PRKAR1B: variants seen among roughly 807,000 people sequenced by gnomAD.
The protein encoded by PRKAR1B is cAMP-dependent protein kinase type I-beta regulatory subunit.
A neutral mutation model predicts 46.5 loss-of-function variants in PRKAR1B; 22 were observed. The observed-to-expected ratio is 0.47, with a 90% CI of 0.34 to 0.68. The LOEUF is 0.68. Among genes scored for constraint, PRKAR1B ranks in the 30% least tolerant of loss-of-function variants. The pLI, the probability that PRKAR1B is intolerant of heterozygous loss-of-function variation, is 0.01. For synonymous variants in PRKAR1B, 259 were observed against 217.7 expected, an observed-to-expected ratio of 1.19 and a Z score of -1.67; for missense variants, 445 against 535.6, an observed-to-expected ratio of 0.83 and a Z score of 1.67.
At chr7:647,791 C>T (rs949867482) in intron 4 of PRKAR1B, among the ~76,000 whole-genome samples, 3 of 115,780 alleles carry the variant, frequency 2.6e-5, no homozygotes, top group Non-Finnish European at 5.0e-5. Flanking sequence ...TGGGCAACAA[C>T]GAGACTTCGT....
intron 8 of PRKAR1B, among the ~76,000 whole-genome samples, chr7:583,560 GCACACCCATGCA>G (rs1354258147): frequency 1.3e-4 from 7 of 53,654 alleles, no homozygotes; most frequent in African/African-American, 5.4e-4. Context: ...ACACATGCGT[GCACACCCATGCA>G]CACACACTTG....
intron 4 of PRKAR1B, among the ~76,000 whole-genome samples, chr7:657,949 G>A (rs1205795228): frequency 1.3e-5 from 2 of 152,168 alleles, no homozygotes; most frequent in African/African-American, 2.4e-5. Flanking sequence ...AAGAAGCTCA[G>A]AAGCAGACCC....
chr7:603,805 G>C (rs575321812), intron 6 of PRKAR1B, among the ~76,000 whole-genome samples: 1 of 148,738 alleles, frequency 6.7e-6, no homozygotes, highest in Non-Finnish European at 1.5e-5. Context: ...GGTGACACCA[G>C]GACCCAGAGT....
intron 8 of PRKAR1B, among the ~76,000 whole-genome samples, chr7:583,242 G>A (rs910101381): frequency 1.3e-5 from 2 of 152,090 alleles, no homozygotes; most frequent in Admixed American, 6.5e-5. Flanking sequence ...GGAAAGACCC[G>A]CACGCTCCTT....
chr7:643,380 A>T (rs1024088626), intron 4 of PRKAR1B, among the ~76,000 whole-genome samples: 1 of 151,462 alleles, frequency 6.6e-6, no homozygotes, highest in East Asian at 1.9e-4. Flanking sequence ...TCCTTCAGGG[A>T]GGAAAGCGTG....
chr7:632,890 G>GC, intron 4 of PRKAR1B, among the ~76,000 whole-genome samples: 1 of 152,298 alleles, frequency 6.6e-6, no homozygotes, highest in South Asian at 2.1e-4. Flanking sequence ...GCACCCGTCA[G>GC]CCCTCCTGAG....
intron 9 of PRKAR1B, among the ~76,000 whole-genome samples, chr7:555,946 T>C (rs1289638558): frequency 3.9e-5 from 6 of 152,266 alleles, no homozygotes; most frequent in East Asian, 1.9e-4. Flanking sequence ...CATGACCAGA[T>C]GCCCCCGCTC....
intron 4 of PRKAR1B, among the ~76,000 whole-genome samples, chr7:670,341 G>T (rs1206709267): frequency 6.6e-6 from 1 of 152,216 alleles, no homozygotes; most frequent in Non-Finnish European, 1.5e-5. Flanking sequence ...CAGGGGACCA[G>T]TCCATGGCCC....
At chr7:675,744 G>A (rs771019853) in intron 4 of PRKAR1B, among the ~76,000 whole-genome samples, 10 of 152,140 alleles carry the variant, frequency 6.6e-5, no homozygotes, top group Non-Finnish European at 1.0e-4. Flanking sequence ...TCAGGAGTTC[G>A]AGACCAGCCT....
At chr7:630,300 G>A (rs528905590) in intron 4 of PRKAR1B, among the ~76,000 whole-genome samples, 43 of 152,324 alleles carry the variant, frequency 2.8e-4, no homozygotes, top group South Asian at 2.5e-3. Flanking sequence ...CAGCCCCATC[G>A]GAGAGGCAAA....
intron 1 of PRKAR1B, among the ~76,000 whole-genome samples, chr7:723,441 AC>A (rs1192908879): frequency 1.3e-5 from 2 of 152,136 alleles, no homozygotes; most frequent in Non-Finnish European, 2.9e-5. Flanking sequence ...CAGGGGACCC[AC>A]CACCTTGCTA....
At position 551,735 on chromosome 7, in the gene PRKAR1B, ATGT is replaced by A. The variant is rs1784220806; in HGVS notation, c.892-268_892-266del. On this transcript the variant is annotated intron_variant, in intron 9 of 10. Coordinates refer to ENST00000537384, the MANE Select transcript of PRKAR1B (RefSeq NM_001164760.2). ...CTTCTCCAGAGCCACTGCCACCACC[ATGT>A]CACCACCCAAACCCCCACCTCCCGC... Among the ~76,000 whole-genome samples, 12 of 119,896 alleles carry A rather than the reference ATGT, an allele frequency of 1.0e-4. 1 individual carries two copies. The Admixed American group carries it at 1.0e-3, about 10-fold the overall frequency. 78.7% of individuals were successfully genotyped at this position (119,896 alleles called of 152,430 possible).
intron 2 of PRKAR1B, chr7:691,760 C>T: frequency 1.7e-6 from 2 of 1,209,896 alleles, no homozygotes; most frequent in Non-Finnish European, 2.1e-6. Flanking sequence ...GGATGGACCA[C>T]AGGGCTCTAC....
intron 4 of PRKAR1B, among the ~76,000 whole-genome samples, chr7:675,441 T>C (rs941367343): frequency 6.6e-6 from 1 of 152,230 alleles, no homozygotes; most frequent in Non-Finnish European, 1.5e-5. Flanking sequence ...ATTTTATACA[T>C]ATGGAGGTCA....
chr7:643,779 A>C (rs1332373061), intron 4 of PRKAR1B, among the ~76,000 whole-genome samples: 1 of 151,918 alleles, frequency 6.6e-6, no homozygotes, highest in Non-Finnish European at 1.5e-5. Context: ...CAGAGCTGCC[A>C]GGCAGGAGGT....
chr7:557,135 T>C lies in PRKAR1B; in HGVS notation c.892-5665A>G, dbSNP rs1583196640. On this transcript the variant is annotated intron_variant, in intron 9 of 10. Coordinates refer to ENST00000537384, the MANE Select transcript of PRKAR1B (RefSeq NM_001164760.2). ...GGAGCGCGGTCTCCTCAGCGGAGTC[T>C]GGTGGCCCCGGGACTCCCTCCTCCT... 3.3e-5 allele frequency among the ~76,000 whole-genome samples: 5 copies of C among 152,308 alleles called. No individual in the cohort carries two copies. In the South Asian group the frequency reaches 1.0e-3, roughly 32 times the overall value.
chr7:670,090 A>C (rs543267112), intron 4 of PRKAR1B, among the ~76,000 whole-genome samples: 1 of 151,748 alleles, frequency 6.6e-6, no homozygotes, highest in East Asian at 2.0e-4. Context: ...GGATGGTCTC[A>C]ATCTCCTGAC....
intron 4 of PRKAR1B, among the ~76,000 whole-genome samples, chr7:628,132 G>A (rs1165030455): frequency 1.3e-5 from 2 of 152,190 alleles, no homozygotes; most frequent in East Asian, 1.9e-4. Context: ...ACGGCCACGC[G>A]GCTTCCTGTG....
rs143819086 is a variant in PRKAR1B at position 680,712 on chromosome 7, C to T, written c.192G>A (p.Gln64=). The change falls in exon 3 of 11, where the codon CAG becomes CAA. Residue 64 remains glutamine, a synonymous_variant. Coordinates refer to ENST00000537384, the MANE Select transcript of PRKAR1B (RefSeq NM_001164760.2). ...FEKLEKEENR[Q]ILARQKSNSQ... ...AGTTTGACTTTTGCCGCGCCAAAATCTGCCTGTTTTCTTCCTGTGTGGGAG... is the reference window on the plus strand; with the variant it reads ...AGTTTGACTTTTGCCGCGCCAAAATTTGCCTGTTTTCTTCCTGTGTGGGAG... The T allele has an allele frequency of 2.0e-5, 33 of 1,614,008 alleles. No homozygotes were observed. In the African/African-American group the frequency reaches 4.4e-4, roughly 22 times the overall value.
Sources: gnomAD v4.1 joint callset for allele counts (sites outside exome capture counted in the v4.1 genomes callset) on GRCh38, gnomAD v4.1.1 for gene constraint, MANE v1.5 for transcripts, NCBI Gene and HGNC (gene_info 2026-07-23, HGNC 2026-07-21) for gene names.